CNTNAP2: variants seen among roughly 807,000 people sequenced by gnomAD.
The protein encoded by CNTNAP2 is contactin associated protein 2, also known as contactin-associated protein-like 2.
CNTNAP2 carries 98 observed loss-of-function variants against 155.2 expected under a neutral mutation model. The observed-to-expected ratio is 0.63, with a 90% confidence interval of 0.54 to 0.75. The LOEUF (loss-of-function observed/expected upper bound fraction) is 0.75. Among genes scored for constraint, CNTNAP2 ranks in the 30% least tolerant of loss-of-function variants. CNTNAP2 has a pLI of 0.00. For synonymous variants in CNTNAP2, 651 were observed against 631.2 expected (o/e 1.03, Z -0.47); for missense variants, 1,727 against 1,688.1 (o/e 1.02, Z -0.40).
At chr7:147,589,428 G>A (rs1276831987) in intron 12 of CNTNAP2, among the ~76,000 whole-genome samples, 2 of 152,094 alleles carry the variant, frequency 1.3e-5, no homozygotes. Context: ...ACAGCAAGGA[G>A]CATGTCAATA....
chr7:146,651,664 G>A (rs995931474), intron 1 of CNTNAP2, among the ~76,000 whole-genome samples: 1 of 152,136 alleles, frequency 6.6e-6, no homozygotes, highest in African/African-American at 2.4e-5. Flanking sequence ...GAATAAGGCA[G>A]TTCCTGAGTG....
chr7:146,470,239 A>G (rs1288196980), intron 1 of CNTNAP2, among the ~76,000 whole-genome samples: 5 of 152,160 alleles, frequency 3.3e-5, no homozygotes, highest in Non-Finnish European at 5.9e-5. Context: ...TATTTTTGAA[A>G]TTTATATACA....
At chr7:148,308,526 T>A (rs911584219) in intron 21 of CNTNAP2, among the ~76,000 whole-genome samples, 3 of 150,764 alleles carry the variant, frequency 2.0e-5, no homozygotes, top group Non-Finnish European at 4.4e-5. Flanking sequence ...CTAGATTTTA[T>A]TTTTTTCCAT....
intron 1 of CNTNAP2, among the ~76,000 whole-genome samples, chr7:146,512,174 C>CT (rs538817100): frequency 6.6e-6 from 1 of 151,480 alleles, no homozygotes; most frequent in African/African-American, 2.4e-5. Flanking sequence ...TTTAGGTCTT[C>CT]TTTTTTTTCT....
intron 22 of CNTNAP2, among the ~76,000 whole-genome samples, chr7:148,401,110 C>T (rs1431345484): frequency 2.0e-5 from 3 of 152,166 alleles, no homozygotes; most frequent in East Asian, 3.8e-4. Context: ...GTTGAATCCA[C>T]AGTTGGGGAA....
chr7:148,116,193 GA>G (rs1295092909), intron 15 of CNTNAP2, among the ~76,000 whole-genome samples: 8 of 150,986 alleles, frequency 5.3e-5, no homozygotes, highest in Non-Finnish European at 8.8e-5. Flanking sequence ...AACACATTAA[GA>G]ACAGTTTTTA....
At chr7:147,298,571 A>G (rs1054361755) in intron 8 of CNTNAP2, among the ~76,000 whole-genome samples, 3 of 152,246 alleles carry the variant, frequency 2.0e-5, no homozygotes, top group African/African-American at 4.8e-5. Context: ...CTAAGCTCCA[A>G]CAGCCCTTAA....
intron 13 of CNTNAP2, among the ~76,000 whole-genome samples, chr7:147,864,378 G>A (rs1265577249): frequency 1.3e-5 from 2 of 152,062 alleles, no homozygotes; most frequent in African/African-American, 4.8e-5. Context: ...TCCAGTTTTG[G>A]TCTTTTGGCT....
intron 13 of CNTNAP2, among the ~76,000 whole-genome samples, chr7:147,648,171 A>G (rs1795397625): frequency 6.6e-6 from 1 of 152,228 alleles, no homozygotes. Flanking sequence ...GTAAATTTAT[A>G]AACTGAGAAG....
chr7:147,712,637 C>T (rs530075275), intron 13 of CNTNAP2, among the ~76,000 whole-genome samples: 16 of 152,072 alleles, frequency 1.1e-4, no homozygotes, highest in Non-Finnish European at 2.1e-4. Flanking sequence ...AGCAAACTAT[C>T]GCAAGGACAA....
chr7:147,591,869 T>C (rs570144147), intron 12 of CNTNAP2, among the ~76,000 whole-genome samples: 1 of 152,306 alleles, frequency 6.6e-6, no homozygotes, highest in South Asian at 2.1e-4. Context: ...CTATTTGCAG[T>C]TCAGGGCCTT....
chr7:146,422,148 G>A (rs1345299565), intron 1 of CNTNAP2, among the ~76,000 whole-genome samples: 1 of 150,820 alleles, frequency 6.6e-6, no homozygotes. Context: ...TTACATGCAT[G>A]AATTATATGG....
chr7:147,448,087 C>T (rs1445899074), intron 10 of CNTNAP2, among the ~76,000 whole-genome samples: 1 of 152,054 alleles, frequency 6.6e-6, no homozygotes, highest in South Asian at 2.1e-4. Context: ...CATTAAATCA[C>T]ACTAGAATTC....
chr7:147,477,909 T>A (rs1186684595), intron 10 of CNTNAP2, among the ~76,000 whole-genome samples: 1 of 152,244 alleles, frequency 6.6e-6, no homozygotes, highest in East Asian at 1.9e-4. Flanking sequence ...AGAAAATCCC[T>A]AATGTAATAA....
At chr7:146,525,992 C>G (rs1308736751) in intron 1 of CNTNAP2, among the ~76,000 whole-genome samples, 10 of 151,872 alleles carry the variant, frequency 6.6e-5, no homozygotes, top group Non-Finnish European at 1.3e-4. Flanking sequence ...TCATAAGAGA[C>G]AAAGAGAGCA....
chr7:147,501,583 G>A (rs1441114658), intron 11 of CNTNAP2, among the ~76,000 whole-genome samples: 1 of 152,152 alleles, frequency 6.6e-6, no homozygotes, highest in African/African-American at 2.4e-5. Context: ...TCCTGAACTA[G>A]CAATATGTGG....
intron 8 of CNTNAP2, among the ~76,000 whole-genome samples, chr7:147,174,341 A>G (rs928215263): frequency 6.6e-6 from 1 of 152,174 alleles, no homozygotes; most frequent in Non-Finnish European, 1.5e-5. Flanking sequence ...TTTCTTATCC[A>G]GGTATCCATT....
intron 23 of CNTNAP2, among the ~76,000 whole-genome samples, chr7:148,414,163 G>A (rs1347396295): frequency 3.1e-5 from 4 of 129,886 alleles, no homozygotes; most frequent in Admixed American, 9.7e-5. Flanking sequence ...TGCAGCCTCC[G>A]CCTCCCAGGT....
At chr7:148,066,719 C>T (rs192473966) in intron 15 of CNTNAP2, among the ~76,000 whole-genome samples, 5,069 of 152,072 alleles carry the variant, frequency 0.033, 125 homozygotes, top group South Asian at 0.059. Flanking sequence ...AGGATGGTCT[C>T]GATCTCCTGA....
Sources: allele counts gnomAD v4.1 joint callset (sites outside exome capture counted in the v4.1 genomes callset), GRCh38; gene constraint gnomAD v4.1.1; transcripts MANE v1.5; gene names NCBI Gene and HGNC (gene_info 2026-07-23, HGNC 2026-07-21).